ARHGEF7: variants seen among roughly 807,000 people sequenced by gnomAD.
ARHGEF7 encodes the protein Rho guanine nucleotide exchange factor 7.
A neutral mutation model predicts 109.8 loss-of-function variants in ARHGEF7; 33 were observed. The observed-to-expected ratio is 0.30, with a 90% CI of 0.23 to 0.40. ARHGEF7 has a LOEUF of 0.40. Among genes scored for constraint, ARHGEF7 ranks in the 10% least tolerant of loss-of-function variants. The pLI, the probability that ARHGEF7 is intolerant of heterozygous loss-of-function variation, is 1.00. For synonymous variants in ARHGEF7, 458 were observed against 424.6 expected (o/e 1.08, Z -0.97); for missense variants, 938 against 1,098.5 (o/e 0.85, Z 2.07).
chr13:111,226,761 T>A (rs1237917058), intron 5 of ARHGEF7, among the ~76,000 whole-genome samples: 1 of 152,242 alleles, frequency 6.6e-6, no homozygotes, highest in African/African-American at 2.4e-5. Flanking sequence ...TTTTTGGGTC[T>A]TAGCATTTAA....
At chr13:111,134,843 GT>G (rs1215836761) in intron 1 of ARHGEF7, among the ~76,000 whole-genome samples, 3 of 152,024 alleles carry the variant, frequency 2.0e-5, no homozygotes, top group Non-Finnish European at 4.4e-5. Context: ...ATTGCTTTTG[GT>G]GTTTTAGTCA....
intron 2 of ARHGEF7, among the ~76,000 whole-genome samples, chr13:111,172,003 A>C (rs1457515061): frequency 6.6e-6 from 1 of 152,130 alleles, no homozygotes; most frequent in Non-Finnish European, 1.5e-5. Flanking sequence ...GTGAGAATAC[A>C]TTTCTGTGGC....
rs1052283532 is a variant in ARHGEF7, at chr13:111,266,274, G to T, written c.951-1274G>T. On this transcript the variant is annotated intron_variant, in intron 8 of 21. Transcript: ENST00000646102. The surrounding 1 kb of genome is among the most constrained non-coding windows in gnomAD (Gnocchi z 4.8). ...GAGCCCCATGCTGTTCCTCATTCTC[G>T]GTGTGAACAGGTGTTTCTCACTCAG... 3.3e-5 allele frequency among the ~76,000 whole-genome samples: 5 copies of T among 152,116 alleles called. No individual in the cohort carries two copies. The highest frequency in any genetic ancestry group is 9.6e-5 in the African/African-American group (4 of 41,488).
At chr13:111,234,289 C>T (rs1536048) in intron 6 of ARHGEF7, among the ~76,000 whole-genome samples, 39,168 of 152,082 alleles carry the variant, frequency 0.26, 6,035 homozygotes, top group East Asian at 0.78. Context: ...AGCTCCACCA[C>T]GTGGAGCTGT....
At position 111,266,920 on chromosome 13, in the gene ARHGEF7, CTG is replaced by C. The variant is rs949529036; in HGVS notation, c.951-627_951-626del. ...TGTACCCCGTTAGGCACACCCAACA[CTG>C]AGGCGGCACCACCAGGGGCCCTGAT... On this transcript the variant is annotated intron_variant, in intron 8 of 21. Transcript: ENST00000646102. This position sits in a 1 kb window ranked among gnomAD's most constrained non-coding sequence, Gnocchi z 4.8. 1 of 455,844 alleles carries C rather than the reference CTG, an allele frequency of 2.2e-6. No individual in the cohort carries two copies. The highest frequency in any genetic ancestry group is 4.4e-6 in the Non-Finnish European group (1 of 226,720). The allele number at this position is 455,844 out of a possible 1,614,324, so 28.2% of individuals were successfully genotyped here.
chr13:111,172,355 G>A (rs903961917), intron 2 of ARHGEF7, among the ~76,000 whole-genome samples: 3 of 152,106 alleles, frequency 2.0e-5, no homozygotes, highest in African/African-American at 7.2e-5. Flanking sequence ...AGTGCTCTAG[G>A]GGCTTTTAGA....
chr13:111,132,633 T>C (rs532449873), intron 1 of ARHGEF7, among the ~76,000 whole-genome samples: 33 of 152,340 alleles, frequency 2.2e-4, no homozygotes, highest in East Asian at 1.9e-4. Context: ...GTGTATTACA[T>C]ATCATGCTAA....
chr13:111,258,493 C>G lies in ARHGEF7; in HGVS notation c.951-9055C>G, dbSNP rs2153570734. On this transcript the variant is annotated intron_variant, in intron 8 of 21. Coordinates refer to ENST00000646102, the MANE Select transcript of ARHGEF7 (RefSeq NM_001354046.2). The surrounding 1 kb of genome is among the most constrained non-coding windows in gnomAD (Gnocchi z 4.4). ...AGACATACCTTGGACCAAAAGGGAA[C>G]CCACTGCTTGGAAGGGAAGCACCCA... 6.6e-6 allele frequency among the ~76,000 whole-genome samples: 1 copy of G among 152,334 alleles called. No individual in the cohort carries two copies. The highest frequency in any genetic ancestry group is 1.9e-4 in the East Asian group (1 of 5,188).
intron 8 of ARHGEF7, among the ~76,000 whole-genome samples, chr13:111,252,980 G>A (rs1455709887): frequency 1.3e-5 from 2 of 152,218 alleles, no homozygotes; most frequent in Non-Finnish European, 2.9e-5. Flanking sequence ...GCCCCAGCGA[G>A]AGCCCCCAGC....
At chr13:111,219,106 A>G (rs2083497203) in intron 5 of ARHGEF7, among the ~76,000 whole-genome samples, 2 of 152,210 alleles carry the variant, frequency 1.3e-5, no homozygotes, top group Non-Finnish European at 2.9e-5. Flanking sequence ...TTTTATAACC[A>G]TCACCACCGT....
At chr13:111,203,164 T>C in intron 2 of ARHGEF7, 1 of 1,187,038 alleles carries the variant, frequency 8.4e-7, no homozygotes, top group Non-Finnish European at 1.1e-6. Context: ...TATACAAAAT[T>C]GACAAAATAA....
At chr13:111,291,178 C>T (rs2093265552) in intron 18 of ARHGEF7, among the ~76,000 whole-genome samples, 1 of 152,200 alleles carries the variant, frequency 6.6e-6, no homozygotes, top group South Asian at 2.1e-4. Context: ...CTTCACCTAG[C>T]GAGGGGCATC....
intron 1 of ARHGEF7, among the ~76,000 whole-genome samples, chr13:111,133,051 T>A (rs996841001): frequency 4.1e-5 from 6 of 148,098 alleles, no homozygotes; most frequent in Admixed American, 4.0e-4. Flanking sequence ...CATATACACA[T>A]ATGTATGCAC....
intron 1 of ARHGEF7, among the ~76,000 whole-genome samples, chr13:111,127,527 G>C (rs1301028293): frequency 2.0e-5 from 3 of 151,504 alleles, no homozygotes; most frequent in African/African-American, 7.3e-5. Flanking sequence ...TGTGCCTCTG[G>C]TCCCAGCTAC....
chr13:111,294,624 T>G, intron 19 of ARHGEF7: 1 of 985,464 alleles, frequency 1.0e-6, no homozygotes, highest in South Asian at 4.7e-5. Context: ...GTGATCTGGT[T>G]AAGAAGTATT....
Position 111,285,414 on chromosome 13 carries a change from G to A in ARHGEF7, c.1951-733G>A, listed in dbSNP as rs531998541. ...CAGAAACCAGCCTTTTTTTGATATC[G>A]GTATTTAACACGTGCTTGACAGTTG... On this transcript the variant is annotated intron_variant, in intron 16 of 21. Coordinates refer to ENST00000646102, the MANE Select transcript of ARHGEF7 (RefSeq NM_001354046.2). Among the ~76,000 whole-genome samples, 3 of 152,160 alleles carry A rather than the reference G, an allele frequency of 2.0e-5. No homozygotes were observed. In the South Asian group the frequency reaches 6.2e-4, roughly 32 times the overall value.
chr13:111,149,723 TTTAA>T (rs1472280778), intron 1 of ARHGEF7, among the ~76,000 whole-genome samples: 1 of 152,212 alleles, frequency 6.6e-6, no homozygotes, highest in Non-Finnish European at 1.5e-5. Flanking sequence ...ACTGTACTAG[TTTAA>T]TTCTCAGTCA....
At chr13:111,120,767 G>A (rs1486513757) in intron 1 of ARHGEF7, among the ~76,000 whole-genome samples, 1 of 152,208 alleles carries the variant, frequency 6.6e-6, no homozygotes, top group Non-Finnish European at 1.5e-5. Context: ...GCCCAGCATG[G>A]CAGGCAGCAT....
chr13:111,126,584 A>G (rs1423185970), intron 1 of ARHGEF7, among the ~76,000 whole-genome samples: 3 of 152,210 alleles, frequency 2.0e-5, no homozygotes, highest in East Asian at 1.9e-4. Flanking sequence ...CCTAGAAGCC[A>G]TAATTTTCCA....
Sources: allele counts gnomAD v4.1 joint callset (sites outside exome capture counted in the v4.1 genomes callset), GRCh38; gene constraint gnomAD v4.1.1; non-coding constraint Gnocchi (gnomAD v3.1); transcripts MANE v1.5; gene names NCBI Gene and HGNC (gene_info 2026-07-23, HGNC 2026-07-21).